Variants in CACNA2D3 observed in about 807,000 individuals in gnomAD.
The protein encoded by CACNA2D3 is voltage-dependent calcium channel subunit alpha-2/delta-3.
Under a neutral mutation model 160.6 loss-of-function variants are expected in CACNA2D3, and 60 were observed. The observed-to-expected ratio is 0.37, with a 90% CI of 0.30 to 0.46. The LOEUF is 0.46. Among genes scored for constraint, CACNA2D3 ranks in the 20% least tolerant of loss-of-function variants. CACNA2D3 has a pLI of 1.00. For missense variants in CACNA2D3, 1,205 were observed against 1,365.0 expected (o/e 0.88, Z 1.85); for synonymous variants, 558 against 492.9 (o/e 1.13, Z -1.75).
chr3:54,842,082 A>G (rs958171991), intron 16 of CACNA2D3, among the ~76,000 whole-genome samples: 3 of 152,244 alleles, frequency 2.0e-5, no homozygotes, highest in Admixed American at 6.5e-5. Context: ...ACTTCGTCAT[A>G]TAAGCTTTTA....
rs575723712 is a variant in CACNA2D3, at chr3:54,552,380, G to C, written c.545-10420G>C. On this transcript the variant is annotated intron_variant, in intron 5 of 37. Coordinates refer to ENST00000474759, the MANE Select transcript of CACNA2D3 (RefSeq NM_018398.3). ...ATTTGATGATGGCTAGGAGCTGGCA[G>C]CCTCCTCTGAGCCACGTGTTACCCT... Among the ~76,000 whole-genome samples, 17 of 152,306 alleles carry C rather than the reference G, an allele frequency of 1.1e-4. 1 individual carries two copies. In the South Asian group the frequency reaches 2.7e-3, roughly 24 times the overall value.
intron 12 of CACNA2D3, among the ~76,000 whole-genome samples, chr3:54,754,799 T>G (rs1413015757): frequency 1.3e-5 from 2 of 151,890 alleles, no homozygotes; most frequent in Non-Finnish European, 1.5e-5. Context: ...GGTTTGTGGG[T>G]CTTAGCTCCA....
At chr3:55,004,660 C>T (rs909543576) in intron 31 of CACNA2D3, 103 bp from the exon 32 acceptor site, 18 of 743,310 alleles carry the variant, frequency 2.4e-5, no homozygotes, top group Non-Finnish European at 3.8e-5. Flanking sequence ...TGTTTGTCAC[C>T]GTTGCACTTG....
intron 11 of CACNA2D3, among the ~76,000 whole-genome samples, chr3:54,696,303 A>G (rs1056037815): frequency 2.7e-4 from 41 of 152,172 alleles, no homozygotes; most frequent in African/African-American, 9.6e-4. Context: ...AGGTCCCCCC[A>G]TTCCAGCAGC....
chr3:54,214,815 G>A (rs1363119605), intron 2 of CACNA2D3, among the ~76,000 whole-genome samples: 1 of 152,222 alleles, frequency 6.6e-6, no homozygotes, highest in African/African-American at 2.4e-5. Flanking sequence ...CTGGTAGTAA[G>A]GACAGAGTGA....
chr3:54,730,918 A>C (rs568234587), intron 11 of CACNA2D3, among the ~76,000 whole-genome samples: 1 of 152,314 alleles, frequency 6.6e-6, no homozygotes, highest in African/African-American at 2.4e-5. Context: ...CTTTAAACAC[A>C]TGTTTTGGGT....
At chr3:55,049,409 G>A (rs11714735) in intron 35 of CACNA2D3, among the ~76,000 whole-genome samples, 4 of 134,348 alleles carry the variant, frequency 3.0e-5, no homozygotes, top group South Asian at 2.6e-4. Context: ...GTAGTTGAGC[G>A]GTTTTGAGTG....
intron 13 of CACNA2D3, among the ~76,000 whole-genome samples, chr3:54,780,433 G>C (rs556661705): frequency 1.3e-5 from 2 of 152,322 alleles, no homozygotes; most frequent in African/African-American, 4.8e-5. Context: ...TGTATTACTT[G>C]GGTCTGATGG....
At chr3:54,192,661 C>G (rs2107338788) in intron 2 of CACNA2D3, among the ~76,000 whole-genome samples, 1 of 136,058 alleles carries the variant, frequency 7.3e-6, no homozygotes, top group Non-Finnish European at 1.6e-5. Flanking sequence ...CATGCTTTTC[C>G]CATATGTGAG....
chr3:54,433,138 A>G (rs962875403), intron 4 of CACNA2D3, among the ~76,000 whole-genome samples: 8 of 152,130 alleles, frequency 5.3e-5, no homozygotes, highest in African/African-American at 1.9e-4. Context: ...CCAACGCTGG[A>G]GGTTGGAAGA....
intron 5 of CACNA2D3, among the ~76,000 whole-genome samples, chr3:54,505,544 G>C (rs1701355631): frequency 6.6e-6 from 1 of 152,162 alleles, no homozygotes. Flanking sequence ...ATTTAGTGGA[G>C]TTTAGTTCTC....
At chr3:54,364,913 G>A (rs753507246) in intron 3 of CACNA2D3, among the ~76,000 whole-genome samples, 1 of 152,200 alleles carries the variant, frequency 6.6e-6, no homozygotes, top group Non-Finnish European at 1.5e-5. Context: ...TCTTGTCAGA[G>A]AAACTCAGAT....
At chr3:54,238,872 A>G (rs913392996) in intron 2 of CACNA2D3, among the ~76,000 whole-genome samples, 9 of 152,192 alleles carry the variant, frequency 5.9e-5, no homozygotes, top group Non-Finnish European at 7.4e-5. Flanking sequence ...CCTGCCTCCA[A>G]ACTGCTTTTG....
intron 29 of CACNA2D3, 83 bp downstream of exon 29, chr3:54,969,927 T>A: frequency 2.5e-6 from 3 of 1,197,798 alleles, no homozygotes; most frequent in African/African-American, 1.5e-5. Flanking sequence ...AATGCCCTTA[T>A]AAACAAGGCC....
At chr3:54,386,901 G>A (rs1699196973) in intron 4 of CACNA2D3, 127 bp downstream of exon 4, 1 of 820,888 alleles carries the variant, frequency 1.2e-6, no homozygotes, top group Admixed American at 2.9e-5. Context: ...ATGGTACTGA[G>A]TTGGAATCTT....
intron 4 of CACNA2D3, among the ~76,000 whole-genome samples, chr3:54,502,549 A>G (rs1036250821): frequency 3.3e-5 from 5 of 152,182 alleles, no homozygotes; most frequent in African/African-American, 1.2e-4. Flanking sequence ...ATTAGCCTCT[A>G]GAGCATATTA....
chr3:55,006,553 G>C (rs1043586555), intron 32 of CACNA2D3, among the ~76,000 whole-genome samples: 1 of 152,218 alleles, frequency 6.6e-6, no homozygotes, highest in Non-Finnish European at 1.5e-5. Flanking sequence ...TCAGGAAACT[G>C]TTAAAAGTTC....
At chr3:55,017,219 C>T (rs1056584485) in intron 34 of CACNA2D3, among the ~76,000 whole-genome samples, 1 of 152,242 alleles carries the variant, frequency 6.6e-6, no homozygotes, top group South Asian at 2.1e-4. Flanking sequence ...CAGTAGACCT[C>T]CTGTGAAGAG....
intron 11 of CACNA2D3, among the ~76,000 whole-genome samples, chr3:54,651,039 A>C (rs950086138): frequency 3.9e-5 from 6 of 152,220 alleles, no homozygotes; most frequent in Non-Finnish European, 7.3e-5. Context: ...GGTGGACCTG[A>C]AATGACCACT....
Sources: allele counts gnomAD v4.1 joint callset (sites outside exome capture counted in the v4.1 genomes callset), GRCh38; gene constraint gnomAD v4.1.1; transcripts MANE v1.5; gene names NCBI Gene and HGNC (gene_info 2026-07-23, HGNC 2026-07-21).